XKR4: variants seen among roughly 807,000 people sequenced by gnomAD.
The protein encoded by XKR4 is XK-related protein 4.
A neutral mutation model predicts 53.9 loss-of-function variants in XKR4; 12 were observed. The ratio of observed to expected loss-of-function variants is 0.22; its 90% CI spans 0.14 to 0.36. The LOEUF is 0.36. XKR4 is among the 10% of genes least tolerant of loss of function. The probability of loss-of-function intolerance (pLI) is 1.00; values close to 1 mark genes in which losing one functional copy is unlikely to be tolerated. For missense variants in XKR4, 799 were observed against 859.5 expected (o/e 0.93, Z 0.88); for synonymous variants, 354 against 362.4 (o/e 0.98, Z 0.26).
intron 1 of XKR4, among the ~76,000 whole-genome samples, chr8:55,258,781 G>A (rs1818474627): frequency 6.6e-6 from 1 of 152,242 alleles, no homozygotes; most frequent in South Asian, 2.1e-4. Flanking sequence ...TAGGCCTCTA[G>A]CATTGCTGTC....
At chr8:55,146,118 T>A (rs1252857168) in intron 1 of XKR4, among the ~76,000 whole-genome samples, 1 of 152,226 alleles carries the variant, frequency 6.6e-6, no homozygotes, top group Non-Finnish European at 1.5e-5. Context: ...CTATTTTTGC[T>A]ATACCTTTTA....
intron 2 of XKR4, among the ~76,000 whole-genome samples, chr8:55,499,084 C>G (rs564288178): frequency 1.8e-3 from 270 of 152,296 alleles, no homozygotes; most frequent in African/African-American, 6.2e-3. Context: ...CTCCTGGTTA[C>G]TTGAGGAAAC....
chr8:55,463,980 A>G (rs1207270663), intron 2 of XKR4, among the ~76,000 whole-genome samples: 14 of 152,188 alleles, frequency 9.2e-5, no homozygotes, highest in Non-Finnish European at 4.4e-5. Flanking sequence ...TGAGGCAATA[A>G]TTAATAGCTT....
chr8:55,492,131 T>C (rs970220959), intron 2 of XKR4, among the ~76,000 whole-genome samples: 4 of 152,194 alleles, frequency 2.6e-5, no homozygotes, highest in African/African-American at 4.8e-5. Context: ...GGGCAATTGC[T>C]GGTCTCACCT....
intron 2 of XKR4, among the ~76,000 whole-genome samples, chr8:55,512,330 C>T (rs1158290580): frequency 6.6e-6 from 1 of 152,196 alleles, no homozygotes; most frequent in Non-Finnish European, 1.5e-5. Flanking sequence ...GTGCCACTGC[C>T]TCAGGATGAT....
At chr8:55,172,664 A>G (rs1375467944) in intron 1 of XKR4, among the ~76,000 whole-genome samples, 1 of 152,228 alleles carries the variant, frequency 6.6e-6, no homozygotes, top group Non-Finnish European at 1.5e-5. Context: ...CACATGTATG[A>G]CATTACCAAA....
rs189869603 is a variant in XKR4 at position 55,474,035 on chromosome 8, G to A, written c.1007-49246G>A. ...ATCTCCTGCCTCAGGCTCTCCAGTA[G>A]CTAGGACTATAGGAGCACATCACCA... On this transcript the variant is annotated intron_variant, in intron 2 of 2. Transcript: ENST00000327381. Among the ~76,000 whole-genome samples the A allele has an allele frequency of 2.2e-3, 328 of 152,094 alleles. 2 individuals are homozygous for A. Among genetic ancestry groups the A allele is most frequent in the Non-Finnish European group, 1.4e-3 (94 of 68,018 alleles).
At chr8:55,466,065 G>T (rs1206916112) in intron 2 of XKR4, among the ~76,000 whole-genome samples, 1 of 152,110 alleles carries the variant, frequency 6.6e-6, no homozygotes, top group East Asian at 1.9e-4. Context: ...CAACCATTGT[G>T]GAAGTCAGTG....
rs549062833 is a variant in XKR4 at position 55,528,177 on chromosome 8, A to T, written c.*3950A>T. 1.3e-5 allele frequency: 2 copies of T among 152,350 alleles called. No homozygotes were observed. The highest frequency in any genetic ancestry group is 2.9e-5 in the Non-Finnish European group (2 of 68,018). The allele number at this position is 152,350 out of a possible 1,614,324, so 9.4% of individuals were successfully genotyped here. A position where few individuals can be genotyped will look rare whatever the true frequency, so the allele number is the denominator to read the frequency against. ...CAAAACCAACCCAAGCTTACAGTCCATCTATAAGACCAACACACTTACGAA... is the reference window on the plus strand; with the variant it reads ...CAAAACCAACCCAAGCTTACAGTCCTTCTATAAGACCAACACACTTACGAA... On this transcript the variant is annotated 3_prime_UTR_variant, in exon 3 of 3. Transcript: ENST00000327381.
At chr8:55,109,326 A>G (rs1816200737) in intron 1 of XKR4, among the ~76,000 whole-genome samples, 1 of 152,192 alleles carries the variant, frequency 6.6e-6, no homozygotes, top group Non-Finnish European at 1.5e-5. Flanking sequence ...ATGCTGCTCC[A>G]AACATATTAG....
At position 55,509,851 on chromosome 8, in the gene XKR4, G is replaced by A. The variant is rs147592502; in HGVS notation, c.1007-13430G>A. ...AAGAAAGGCATCTCTCACAGCCAGC[G>A]CTTTTCTAAAAGAAAGTTCATAGTG... On this transcript the variant is annotated intron_variant, in intron 2 of 2. Transcript: ENST00000327381. 3.8e-3 allele frequency among the ~76,000 whole-genome samples: 574 copies of A among 152,292 alleles called. 5 individuals are homozygous for A. The highest frequency in any genetic ancestry group is 0.013 in the African/African-American group (534 of 41,574).
chr8:55,432,011 T>A (rs892476494), intron 2 of XKR4, among the ~76,000 whole-genome samples: 1 of 152,188 alleles, frequency 6.6e-6, no homozygotes, highest in African/African-American at 2.4e-5. Context: ...AGCAAACCCA[T>A]TGATAGTTAA....
chr8:55,266,248 G>A lies in XKR4; in HGVS notation c.807-91430G>A, dbSNP rs185291183. 3.9e-4 allele frequency among the ~76,000 whole-genome samples: 60 copies of A among 151,934 alleles called. No homozygotes were observed. The East Asian group carries it at 0.01, about 26-fold the overall frequency. On this transcript the variant is annotated intron_variant, in intron 1 of 2. Coordinates refer to ENST00000327381, the MANE Select transcript of XKR4 (RefSeq NM_052898.2). The stretch of plus-strand genomic sequence containing the variant: ...TGAGGCAAAGCTGACAAGGAGTGAT[G>A]TGAGCGCAGTACAGTGGGGCTTTCT...
chr8:55,405,883 C>A (rs1804672328), intron 2 of XKR4, among the ~76,000 whole-genome samples: 1 of 152,226 alleles, frequency 6.6e-6, no homozygotes, highest in East Asian at 1.9e-4. Context: ...GGCATCTCTG[C>A]TGACTTCCTT....
At chr8:55,389,864 G>A (rs552439742) in intron 2 of XKR4, among the ~76,000 whole-genome samples, 1 of 152,240 alleles carries the variant, frequency 6.6e-6, no homozygotes, top group South Asian at 2.1e-4. Context: ...CGTGTCCTCA[G>A]GTTCCTAGTG....
chr8:55,334,480 T>C (rs1200163242), intron 1 of XKR4, among the ~76,000 whole-genome samples: 2 of 152,190 alleles, frequency 1.3e-5, no homozygotes, highest in Non-Finnish European at 2.9e-5. Flanking sequence ...CCTGGTCTAC[T>C]GTTTCATAAA....
chr8:55,411,500 C>T (rs1804777993), intron 2 of XKR4, among the ~76,000 whole-genome samples: 1 of 152,206 alleles, frequency 6.6e-6, no homozygotes, highest in South Asian at 2.1e-4. Context: ...AATCCAAGAA[C>T]TCGAGTCACA....
intron 2 of XKR4, among the ~76,000 whole-genome samples, chr8:55,377,699 T>C (rs1411353094): frequency 3.9e-5 from 6 of 152,132 alleles, no homozygotes; most frequent in Non-Finnish European, 8.8e-5. Flanking sequence ...ACACCGTGAG[T>C]TGGTTTTGCC....
At chr8:55,443,839 C>CAAAAAAAAAAAAA (rs1159375100) in intron 2 of XKR4, among the ~76,000 whole-genome samples, 1 of 21,628 alleles carries the variant, frequency 4.6e-5, no homozygotes, top group African/African-American at 3.2e-4. Flanking sequence ...AACTCCGTCT[C>CAAAAAAAAAAAAA]AAAAAAAAAA....
Sources: allele counts gnomAD v4.1 joint callset (sites outside exome capture counted in the v4.1 genomes callset), GRCh38; gene constraint gnomAD v4.1.1; transcripts MANE v1.5; gene names NCBI Gene and HGNC (gene_info 2026-07-23, HGNC 2026-07-21).